NTAN1: variants seen among roughly 807,000 people sequenced by gnomAD.
NTAN1 encodes the protein N-terminal asparagine amidase.
In NTAN1, 32 loss-of-function variants were observed where a neutral mutation model predicts 41.9. That is an observed-to-expected ratio of 0.76 (90% CI 0.58 to 1.03). The LOEUF is 1.03. NTAN1 is among the 50% of genes least tolerant of loss of function. The pLI is 0.00. For missense variants in NTAN1, 377 were observed against 377.5 expected (o/e 1.00, Z 0.01); for synonymous variants, 140 against 139.5 (o/e 1.00, Z -0.03).
At chr16:15,044,116 T>G (rs1423018331) in intron 5 of NTAN1, among the ~76,000 whole-genome samples, 1 of 152,124 alleles carries the variant, frequency 6.6e-6, no homozygotes, top group Non-Finnish European at 1.5e-5. Flanking sequence ...GCTGTTTTAG[T>G]AGAAAATCTT....
At chr16:15,048,149 G>T in intron 1 of NTAN1, 50 bp from the exon 2 acceptor site, 1 of 1,347,936 alleles carries the variant, frequency 7.4e-7, no homozygotes, top group Non-Finnish European at 1.0e-6. Context: ...AGTGAGGATG[G>T]AAAAACTAAA....
At chr16:15,046,768 G>C (rs182150140) in intron 4 of NTAN1, among the ~76,000 whole-genome samples, 289 of 150,696 alleles carry the variant, frequency 1.9e-3, no homozygotes, top group African/African-American at 5.1e-3. Context: ...CCAGCTACTT[G>C]GGAGGCTGAG....
Position 15,038,227 on chromosome 16 carries a change from G to T in NTAN1, c.754-17C>A, listed in dbSNP as rs750622206. The T allele has an allele frequency of 3.1e-6, 5 of 1,606,930 alleles. No homozygotes were observed. The highest frequency in any genetic ancestry group is 1.3e-5 in the African/African-American group (1 of 74,730). Reference sequence around the variant, plus strand: ...GGAAAGATTCTGAAAACACAAGATGGTGGGCATTAGAGAAGCCAACCTTAC... The same window carrying T: ...GGAAAGATTCTGAAAACACAAGATGTTGGGCATTAGAGAAGCCAACCTTAC... On this transcript the variant is annotated splice_polypyrimidine_tract_variant and intron_variant, in intron 9 of 9. Coordinates refer to ENST00000287706, the MANE Select transcript of NTAN1 (RefSeq NM_173474.4).
rs1232433567 is a variant in NTAN1, at chr16:15,038,178, G to C, written c.786C>G (p.Pro262=). ...TAGATCTAATATGTTCAACAAAGTG[G>C]GGTGGCTCAGCCAGAGGCGAAGTGG... ...NLSTSPLAEP[P]HFVEHIRSTL... is the part of the protein sequence containing the mutation. The change falls in exon 10 of 10, where the codon CCC becomes CCG. Residue 262 remains proline (P), a synonymous_variant. Coordinates refer to ENST00000287706, the MANE Select transcript of NTAN1 (RefSeq NM_173474.4). The C allele has an allele frequency of 6.2e-7, 1 of 1,613,066 alleles. No individual in the cohort carries two copies. Among genetic ancestry groups the C allele is most frequent in the African/African-American group, 1.3e-5 (1 of 74,872 alleles).
intron 1 of NTAN1, among the ~76,000 whole-genome samples, chr16:15,052,795 A>G (rs2044348164): frequency 6.6e-6 from 1 of 152,156 alleles, no homozygotes; most frequent in Non-Finnish European, 1.5e-5. Flanking sequence ...ATTGCACTCC[A>G]GCCTGGGTGA....
chr16:15,050,108 T>C (rs929711226), intron 1 of NTAN1, among the ~76,000 whole-genome samples: 3 of 152,222 alleles, frequency 2.0e-5, no homozygotes, highest in African/African-American at 4.8e-5. Flanking sequence ...TAAGGCAAAT[T>C]TACGAAAGGT....
At chr16:15,053,462 A>T (rs2044372622) in intron 1 of NTAN1, among the ~76,000 whole-genome samples, 1 of 147,476 alleles carries the variant, frequency 6.8e-6, no homozygotes, top group Non-Finnish European at 1.5e-5. Flanking sequence ...AACAACATAT[A>T]GTAAGCTATC....
rs1310940224 is a variant in NTAN1 at position 15,056,001 on chromosome 16, G to A, written c.-30C>T. 5.1e-6 allele frequency: 6 copies of A among 1,169,228 alleles called. No homozygotes were observed. The highest frequency in any genetic ancestry group is 5.3e-6 in the Non-Finnish European group (5 of 940,584). The allele number at this position is 1,169,228 out of a possible 1,614,324, so 72.4% of individuals were successfully genotyped here. A position where few individuals can be genotyped will look rare whatever the true frequency, so the allele number is the denominator to read the frequency against. On this transcript the variant is annotated 5_prime_UTR_variant, in exon 1 of 10. Transcript: ENST00000287706. ...GAGGCGGCCGCCCAGGCAGGCCCAG[G>A]GAGGCGGCGGCCCCCCGCTTTGCAG...
intron 7 of NTAN1, 178 bp from the exon 8 acceptor site, chr16:15,040,244 C>G: frequency 2.3e-6 from 1 of 434,060 alleles, no homozygotes; most frequent in Non-Finnish European, 4.1e-6. Flanking sequence ...CCCCAAGCAT[C>G]TCGGTGAAAA....
At chr16:15,048,301 C>T (rs924362325) in intron 1 of NTAN1, among the ~76,000 whole-genome samples, 2 of 152,268 alleles carry the variant, frequency 1.3e-5, no homozygotes, top group Non-Finnish European at 2.9e-5. Context: ...CGGTTCTGCG[C>T]GGTGGTTTTT....
chr16:15,050,960 G>A (rs575151307), intron 1 of NTAN1, among the ~76,000 whole-genome samples: 2 of 152,354 alleles, frequency 1.3e-5, no homozygotes, highest in African/African-American at 2.4e-5. Flanking sequence ...AGAAGTCAGT[G>A]AGAAACAGGT....
chr16:15,037,950 AGGATCCAGATCT>A lies in NTAN1; in HGVS notation c.*69_*80del. On this transcript the variant is annotated 3_prime_UTR_variant, in exon 10 of 10. Transcript: ENST00000287706. ...AGGAGGCCTAAGACCCAACAGATGTAGGATCCAGATCTGGATTCGTGCCAGCCCCACCAATGG... is the reference window on the plus strand; with the variant it reads ...AGGAGGCCTAAGACCCAACAGATGTAGGATTCGTGCCAGCCCCACCAATGG... 1 of 974,604 alleles carries A rather than the reference AGGATCCAGATCT, an allele frequency of 1.0e-6. No individual in the cohort carries two copies. The highest frequency in any genetic ancestry group is 1.6e-6 in the Non-Finnish European group (1 of 632,806). The allele number at this position is 974,604 out of a possible 1,614,324, so 60.4% of individuals were successfully genotyped here.
intron 6 of NTAN1, 36 bp downstream of exon 6, chr16:15,041,587 C>A: frequency 2.0e-6 from 3 of 1,504,784 alleles, no homozygotes; most frequent in Non-Finnish European, 1.9e-6. Context: ...GTCCTGAGAC[C>A]CACATCTTTG....
intron 4 of NTAN1, 82 bp from the exon 5 acceptor site, chr16:15,044,489 G>T: frequency 1.1e-6 from 1 of 909,672 alleles, no homozygotes; most frequent in Non-Finnish European, 1.8e-6. Flanking sequence ...TTCATTCTCA[G>T]TTTCCATGAA....
chr16:15,038,952 G>C (rs1365370205), intron 8 of NTAN1, among the ~76,000 whole-genome samples: 1 of 152,154 alleles, frequency 6.6e-6, no homozygotes, highest in Non-Finnish European at 1.5e-5. Context: ...GAAAACTTGA[G>C]GCTCAGAGAA....
At chr16:15,046,964 G>A (rs189686751) in intron 4 of NTAN1, among the ~76,000 whole-genome samples, 25 of 152,006 alleles carry the variant, frequency 1.6e-4, no homozygotes, top group African/African-American at 6.0e-4. Context: ...CCACAGCCCC[G>A]CCTCACCACC....
intron 1 of NTAN1, among the ~76,000 whole-genome samples, chr16:15,053,677 G>T (rs1317854349): frequency 6.6e-6 from 1 of 152,124 alleles, no homozygotes; most frequent in Non-Finnish European, 1.5e-5. Context: ...TTGGGAGGCC[G>T]AGACGGGCAG....
intron 6 of NTAN1, among the ~76,000 whole-genome samples, chr16:15,041,340 C>A (rs1399364345): frequency 1.3e-5 from 2 of 152,082 alleles, no homozygotes; most frequent in Non-Finnish European, 1.5e-5. Flanking sequence ...CCACTCCCAC[C>A]CCACCTTCTC....
At position 15,038,124 on chromosome 16, in the gene NTAN1, A is replaced by AGAT. The variant is rs751960695; in HGVS notation, c.837_839dup (p.Ser280dup). 6.8e-6 allele frequency: 11 copies of AGAT among 1,612,052 alleles called. No individual in the cohort carries two copies. Among genetic ancestry groups the AGAT allele is most frequent in the South Asian group, 5.5e-5 (5 of 91,034 alleles). ...TTCCAGAAAACAGTGTGTGAGCTGG[A>AGAT]GATGGGTGTTTTTTTAAAAACATCA... On this transcript the variant is annotated inframe_insertion, in exon 10 of 10. Transcript: ENST00000287706.
Sources: gnomAD v4.1 joint callset for allele counts (sites outside exome capture counted in the v4.1 genomes callset) on GRCh38, gnomAD v4.1.1 for gene constraint, MANE v1.5 for transcripts, NCBI Gene and HGNC (gene_info 2026-07-23, HGNC 2026-07-21) for gene names.